Variants in PAPSS2 observed in about 807,000 individuals in gnomAD.
The protein encoded by PAPSS2 is bifunctional 3'-phosphoadenosine 5'-phosphosulfate synthase 2.
A neutral mutation model predicts 66.5 loss-of-function variants in PAPSS2; 61 were observed. The observed-to-expected ratio is 0.92, with a 90% CI of 0.75 to 1.14. PAPSS2 has a LOEUF of 1.14. Among genes scored for constraint, PAPSS2 ranks in the 50% most tolerant of loss-of-function variants. The pLI is 0.00. For synonymous variants in PAPSS2, 289 were observed against 287.5 expected (o/e 1.01, Z -0.05); for missense variants, 708 against 789.6 (o/e 0.90, Z 1.24).
At chr10:87,664,554 T>A (rs1852792180) in intron 1 of PAPSS2, among the ~76,000 whole-genome samples, 2 of 152,220 alleles carry the variant, frequency 1.3e-5, no homozygotes, top group African/African-American at 2.4e-5. Context: ...CAGTTATATG[T>A]CTCTTTGAGA....
chr10:87,710,574 T>C (rs879527180), intron 2 of PAPSS2, among the ~76,000 whole-genome samples: 1 of 152,222 alleles, frequency 6.6e-6, no homozygotes, highest in Non-Finnish European at 1.5e-5. Flanking sequence ...CCATTTTCTC[T>C]AATGTGACAC....
chr10:87,724,849 T>TACACACACACACACAC (rs1468115844), intron 8 of PAPSS2, among the ~76,000 whole-genome samples: 2,330 of 52,054 alleles, frequency 0.045, 32 homozygotes, highest in South Asian at 0.075. Context: ...AATCTCTGTC[T>TACACACACACACACAC]ATACACACAC....
At chr10:87,740,324 T>G (rs1321870562) in intron 9 of PAPSS2, among the ~76,000 whole-genome samples, 2 of 148,472 alleles carry the variant, frequency 1.3e-5, no homozygotes, top group African/African-American at 2.5e-5. Flanking sequence ...TATTAACACA[T>G]GTGTGTGTTT....
intron 4 of PAPSS2, 69 bp downstream of exon 4, chr10:87,714,251 C>T: frequency 6.5e-7 from 1 of 1,545,822 alleles, no homozygotes; most frequent in Non-Finnish European, 8.9e-7. Flanking sequence ...ATTCTGTCCT[C>T]AGAAATCTTC....
At chr10:87,694,322 A>G (rs1853206413) in intron 1 of PAPSS2, among the ~76,000 whole-genome samples, 1 of 152,230 alleles carries the variant, frequency 6.6e-6, no homozygotes, top group Non-Finnish European at 1.5e-5. Context: ...TGACAATGAC[A>G]TCTAAAACAT....
intron 1 of PAPSS2, among the ~76,000 whole-genome samples, chr10:87,705,518 C>T (rs1163317191): frequency 1.3e-5 from 2 of 152,040 alleles, no homozygotes; most frequent in Non-Finnish European, 2.9e-5. Context: ...GGATGATTGC[C>T]CCACTTCATA....
chr10:87,702,477 G>T (rs1481168826), intron 1 of PAPSS2, among the ~76,000 whole-genome samples: 1 of 152,172 alleles, frequency 6.6e-6, no homozygotes, highest in Non-Finnish European at 1.5e-5. Flanking sequence ...GCAATCACTG[G>T]GGTTGCAACT....
At chr10:87,716,317 A>G (rs1355400027) in intron 7 of PAPSS2, among the ~76,000 whole-genome samples, 3 of 152,230 alleles carry the variant, frequency 2.0e-5, no homozygotes, top group Non-Finnish European at 4.4e-5. Flanking sequence ...TCATGCCCAC[A>G]CATGAAATAT....
chr10:87,686,177 A>G (rs1853086483), intron 1 of PAPSS2, among the ~76,000 whole-genome samples: 1 of 148,878 alleles, frequency 6.7e-6, no homozygotes, highest in African/African-American at 2.5e-5. Flanking sequence ...GTAGTTGTGT[A>G]TGTATGTACA....
At chr10:87,692,505 A>G (rs1853184193) in intron 1 of PAPSS2, among the ~76,000 whole-genome samples, 2 of 152,186 alleles carry the variant, frequency 1.3e-5, no homozygotes, top group Non-Finnish European at 2.9e-5. Flanking sequence ...AAGACAGAAA[A>G]GCTCTGAGAG....
chr10:87,680,602 A>C (rs1853007704), intron 1 of PAPSS2, among the ~76,000 whole-genome samples: 1 of 150,828 alleles, frequency 6.6e-6, no homozygotes, highest in Admixed American at 6.6e-5. Context: ...AAACTTTTAA[A>C]GTATAAAGTC....
chr10:87,695,054 C>A (rs993135317), intron 1 of PAPSS2, among the ~76,000 whole-genome samples: 2 of 152,214 alleles, frequency 1.3e-5, no homozygotes, highest in Admixed American at 1.3e-4. Flanking sequence ...CAGTTCATAG[C>A]ATCAGGAGGG....
At chr10:87,728,142 C>T (rs1853683055) in intron 9 of PAPSS2, among the ~76,000 whole-genome samples, 1 of 152,142 alleles carries the variant, frequency 6.6e-6, no homozygotes, top group African/African-American at 2.4e-5. Flanking sequence ...GATTCCTTCA[C>T]AGCTTCTAAT....
At chr10:87,681,831 G>A (rs1853025314) in intron 1 of PAPSS2, among the ~76,000 whole-genome samples, 1 of 152,080 alleles carries the variant, frequency 6.6e-6, no homozygotes, top group South Asian at 2.1e-4. Flanking sequence ...CTTTCACTTA[G>A]CATAATGTTT....
intron 1 of PAPSS2, among the ~76,000 whole-genome samples, chr10:87,675,372 C>T (rs1268844087): frequency 6.6e-6 from 1 of 152,112 alleles, no homozygotes; most frequent in African/African-American, 2.4e-5. Context: ...TTTGAATTTT[C>T]AAAACTTGGT....
At chr10:87,696,315 CTCTTT>C (rs1370041330) in intron 1 of PAPSS2, among the ~76,000 whole-genome samples, 3 of 152,152 alleles carry the variant, frequency 2.0e-5, no homozygotes, top group Non-Finnish European at 2.9e-5. Flanking sequence ...CTTCTTTCTC[CTCTTT>C]TCTATTTCCT....
At chr10:87,702,448 C>T (rs1460510140) in intron 1 of PAPSS2, among the ~76,000 whole-genome samples, 2 of 152,214 alleles carry the variant, frequency 1.3e-5, no homozygotes. Flanking sequence ...AGTGGAGCTC[C>T]TACCATGGGC....
Position 87,743,484 on chromosome 10 carries a change from T to A in PAPSS2, c.1334T>A (p.Leu445Gln). The A allele has an allele frequency of 6.2e-7, 1 of 1,614,126 alleles. No individual in the cohort carries two copies. Among genetic ancestry groups the A allele is most frequent in the Non-Finnish European group, 8.5e-7 (1 of 1,180,002 alleles). Reference protein sequence around the residue: ...LERGYKHPVLLLHPLGGWTKD... With the variant: ...LERGYKHPVLQLHPLGGWTKD... The stretch of plus-strand genomic sequence containing the variant: ...AGGGGCTACAAGCACCCGGTCCTCC[T>A]ACTACACCCTCTGGGCGGCTGGACC... Residue 445 changes from leucine (L) to glutamine (Q), a missense_variant, in exon 11 of 13, where the codon CTA (leucine) becomes CAA (glutamine). Leu to Gln is a moderately radical substitution (Grantham distance 113). Transcript: ENST00000456849.
At chr10:87,702,453 A>G (rs780527669) in intron 1 of PAPSS2, among the ~76,000 whole-genome samples, 1 of 152,220 alleles carries the variant, frequency 6.6e-6, no homozygotes, top group Non-Finnish European at 1.5e-5. Context: ...AGCTCCTACC[A>G]TGGGCCTGAT....
Sources: allele counts gnomAD v4.1 joint callset (sites outside exome capture counted in the v4.1 genomes callset), GRCh38; gene constraint gnomAD v4.1.1; transcripts MANE v1.5; gene names NCBI Gene and HGNC (gene_info 2026-07-23, HGNC 2026-07-21).